NPAS3: variants seen among roughly 807,000 people sequenced by gnomAD.
NPAS3 encodes the protein neuronal PAS domain-containing protein 3.
Under a neutral mutation model 73.1 loss-of-function variants are expected in NPAS3, and 14 were observed. The observed-to-expected ratio is 0.19, with a 90% CI of 0.13 to 0.30. The LOEUF (loss-of-function observed/expected upper bound fraction) is 0.30. NPAS3 is among the 10% of genes least tolerant of loss of function. NPAS3 has a pLI of 1.00. For missense variants in NPAS3, 1,096 were observed against 1,250.0 expected (o/e 0.88, Z 1.86); for synonymous variants, 620 against 541.5 (o/e 1.14, Z -2.01).
intron 1 of NPAS3, among the ~76,000 whole-genome samples, chr14:33,035,006 T>A (rs1191126061): frequency 6.6e-6 from 1 of 152,248 alleles, no homozygotes; most frequent in African/African-American, 2.4e-5. Context: ...TTGCTTGATA[T>A]GTGTAACCAA....
intron 3 of NPAS3, among the ~76,000 whole-genome samples, chr14:33,328,028 G>C (rs191591651): frequency 2.0e-5 from 3 of 152,166 alleles, no homozygotes; most frequent in Non-Finnish European, 4.4e-5. Context: ...ATTATTTTAT[G>C]TTTTCCAAAT....
intron 4 of NPAS3, among the ~76,000 whole-genome samples, chr14:33,547,653 C>T (rs373869602): frequency 5.0e-4 from 76 of 152,176 alleles, no homozygotes; most frequent in African/African-American, 1.8e-3. Flanking sequence ...GAAGAAGAAA[C>T]AGAAGAAAAG....
intron 5 of NPAS3, among the ~76,000 whole-genome samples, chr14:33,571,612 C>G (rs1027805484): frequency 2.6e-5 from 4 of 152,144 alleles, no homozygotes; most frequent in Admixed American, 1.3e-4. Flanking sequence ...GTCAAAGTCT[C>G]CTACACTTTC....
At chr14:33,138,893 G>A (rs777016373) in intron 2 of NPAS3, among the ~76,000 whole-genome samples, 5 of 152,168 alleles carry the variant, frequency 3.3e-5, no homozygotes, top group Non-Finnish European at 7.4e-5. Context: ...GTCGTGACAA[G>A]GAAAGAAAGA....
chr14:33,298,232 A>G (rs28566883), intron 3 of NPAS3, among the ~76,000 whole-genome samples: 63,363 of 152,052 alleles, frequency 0.42, 13,505 homozygotes, highest in African/African-American at 0.51. Flanking sequence ...GCAGTGAGCC[A>G]AGATCGTACC....
intron 3 of NPAS3, among the ~76,000 whole-genome samples, chr14:33,223,142 T>G (rs1011989217): frequency 6.6e-6 from 1 of 152,104 alleles, no homozygotes; most frequent in Non-Finnish European, 1.5e-5. Context: ...AAACTCCATC[T>G]CTACTAAAAA....
At chr14:33,512,516 G>T (rs560243933) in intron 4 of NPAS3, among the ~76,000 whole-genome samples, 2 of 152,138 alleles carry the variant, frequency 1.3e-5, no homozygotes, top group South Asian at 4.2e-4. Context: ...TATAACAAAT[G>T]GTTCAAACCT....
At chr14:33,224,465 G>A (rs905299601) in intron 3 of NPAS3, among the ~76,000 whole-genome samples, 4 of 152,040 alleles carry the variant, frequency 2.6e-5, no homozygotes, top group African/African-American at 9.7e-5. Flanking sequence ...CAGCTTTTCA[G>A]ATCCTTTCTG....
In NPAS3 at chr14:33,460,342, C is replaced by T. The variant is rs563594687; in HGVS notation, c.468+93074C>T. Among the ~76,000 whole-genome samples, 5 of 152,254 alleles carry T rather than the reference C, an allele frequency of 3.3e-5. No homozygotes were observed. The South Asian group carries it at 1.0e-3, about 32-fold the overall frequency. Reference sequence around the variant, plus strand: ...CACAGCCGTGAGGCAATCCTTAGTTCACTGTTTGAAGTAGGCTGGCTACCA... The same window carrying T: ...CACAGCCGTGAGGCAATCCTTAGTTTACTGTTTGAAGTAGGCTGGCTACCA... On this transcript the variant is annotated intron_variant, in intron 4 of 11. Coordinates refer to ENST00000356141, the Ensembl canonical transcript of NPAS3.
At chr14:33,519,780 C>T (rs1363639961) in intron 4 of NPAS3, among the ~76,000 whole-genome samples, 1 of 152,152 alleles carries the variant, frequency 6.6e-6, no homozygotes, top group Non-Finnish European at 1.5e-5. Flanking sequence ...GCAGACCGTA[C>T]ATTTTAAAAT....
intron 4 of NPAS3, among the ~76,000 whole-genome samples, chr14:33,413,987 G>C (rs1366837520): frequency 6.6e-6 from 1 of 152,000 alleles, no homozygotes; most frequent in African/African-American, 2.4e-5. Flanking sequence ...AAATGAAAAT[G>C]AGCCTTCCTC....
chr14:33,518,163 C>T (rs1389716704), intron 4 of NPAS3, among the ~76,000 whole-genome samples: 1 of 152,050 alleles, frequency 6.6e-6, no homozygotes, highest in Non-Finnish European at 1.5e-5. Flanking sequence ...TCAGTACAAG[C>T]ATGCTAAGAG....
chr14:33,781,854 A>G (rs2062988893), intron 9 of NPAS3, among the ~76,000 whole-genome samples: 1 of 152,220 alleles, frequency 6.6e-6, no homozygotes, highest in African/African-American at 2.4e-5. Context: ...AAATCCATAA[A>G]TGAACTTGTC....
At chr14:33,141,741 C>G (rs181778851) in intron 2 of NPAS3, among the ~76,000 whole-genome samples, 2 of 152,092 alleles carry the variant, frequency 1.3e-5, no homozygotes, top group African/African-American at 4.8e-5. Flanking sequence ...CACATCTTTG[C>G]GTACATTTTG....
chr14:33,444,172 T>C (rs2049378586), intron 4 of NPAS3, among the ~76,000 whole-genome samples: 1 of 152,230 alleles, frequency 6.6e-6, no homozygotes, highest in African/African-American at 2.4e-5. Context: ...AGAATCTGTA[T>C]GCCTAAAACT....
At chr14:33,775,494 A>G (rs2062784636) in intron 8 of NPAS3, among the ~76,000 whole-genome samples, 1 of 152,176 alleles carries the variant, frequency 6.6e-6, no homozygotes, top group Non-Finnish European at 1.5e-5. Flanking sequence ...CTAACCAAGA[A>G]GATAGCCCCT....
At chr14:33,469,298 T>TAA (rs564336534) in intron 4 of NPAS3, among the ~76,000 whole-genome samples, 1,950 of 142,350 alleles carry the variant, frequency 0.014, 44 homozygotes, top group African/African-American at 0.044. Context: ...AAGTTTTCTT[T>TAA]AAAAAAAAAA....
chr14:33,050,321 A>T (rs2040659858), intron 1 of NPAS3, among the ~76,000 whole-genome samples: 1 of 152,162 alleles, frequency 6.6e-6, no homozygotes, highest in Admixed American at 6.5e-5. Context: ...ATTGGACCCA[A>T]GTCCTCTCTG....
chr14:33,119,268 A>G (rs2043157293), intron 2 of NPAS3, among the ~76,000 whole-genome samples: 1 of 152,076 alleles, frequency 6.6e-6, no homozygotes, highest in Non-Finnish European at 1.5e-5. Context: ...TCTATTTTTA[A>G]GAGGATTTGT....
Sources: gnomAD v4.1 joint callset for allele counts (sites outside exome capture counted in the v4.1 genomes callset) on GRCh38, gnomAD v4.1.1 for gene constraint, MANE v1.5 for transcripts, NCBI Gene and HGNC (gene_info 2026-07-23, HGNC 2026-07-21) for gene names.